The following FRMPD4 variants were observed in gnomAD, a reference collection of about 807,000 sequenced individuals.
The protein encoded by FRMPD4 is FERM and PDZ domain containing 4, also known as FERM and PDZ domain-containing protein 4.
Under a neutral mutation model 94.1 loss-of-function variants are expected in FRMPD4, and 22 were observed. The observed-to-expected ratio is 0.23, with a 90% confidence interval of 0.17 to 0.33. The LOEUF is 0.33. FRMPD4 is among the 10% of genes least tolerant of loss of function. FRMPD4 has a pLI of 1.00. For synonymous variants in FRMPD4, 631 were observed against 548.6 expected, an observed-to-expected ratio of 1.15 and a Z score of -2.10; for missense variants, 1,111 against 1,339.9, an observed-to-expected ratio of 0.83 and a Z score of 2.67.
intron 3 of FRMPD4, among the ~76,000 whole-genome samples, chrX:11,907,798 A>T (rs964472146): frequency 2.7e-5 from 3 of 111,662 alleles, no homozygotes; most frequent in African/African-American, 9.8e-5. Flanking sequence ...TTTTCCCCTT[A>T]GTGCTGTTGT....
intron 2 of FRMPD4, among the ~76,000 whole-genome samples, chrX:12,565,445 CATAAT>C (rs2058703106): frequency 8.9e-6 from 1 of 112,149 alleles, no homozygotes; most frequent in African/African-American, 3.2e-5. Flanking sequence ...ACACCACTGA[CATAAT>C]ATAACAAGAA....
chrX:12,660,436 T>G (rs950628844), intron 4 of FRMPD4, among the ~76,000 whole-genome samples: 2 of 111,734 alleles, frequency 1.8e-5, no homozygotes, highest in Non-Finnish European at 3.8e-5. Flanking sequence ...CAAATCCCAC[T>G]CTGAGCAGTA....
intron 2 of FRMPD4, among the ~76,000 whole-genome samples, chrX:11,867,599 ATTTC>A (rs1380697026): frequency 2.7e-5 from 3 of 111,896 alleles, no homozygotes; most frequent in East Asian, 2.8e-4. Context: ...GCAAAGCTTA[ATTTC>A]TTTCTATTTT....
chrX:12,710,149 TAGATAGAC>T (rs2041958357), intron 13 of FRMPD4, among the ~76,000 whole-genome samples: 1 of 46,597 alleles, frequency 2.1e-5, no homozygotes, highest in Non-Finnish European at 4.2e-5. Flanking sequence ...GACAGATAGA[TAGATAGAC>T]AGACATATAT....
intron 1 of FRMPD4, among the ~76,000 whole-genome samples, chrX:12,356,611 C>T (rs1220412458): frequency 8.9e-6 from 1 of 111,975 alleles, no homozygotes; most frequent in Non-Finnish European, 1.9e-5. Context: ...ATAACAAAAA[C>T]CACTCAATTG....
chrX:12,586,802 G>A (rs190226519), intron 2 of FRMPD4, among the ~76,000 whole-genome samples: 31 of 111,086 alleles, frequency 2.8e-4, no homozygotes, highest in African/African-American at 9.8e-4. Context: ...TCCTTTCCTT[G>A]GAAAAGATCA....
At chrX:12,308,448 A>C (rs1415566197) in intron 1 of FRMPD4, among the ~76,000 whole-genome samples, 1 of 111,697 alleles carries the variant, frequency 9.0e-6, no homozygotes, top group Non-Finnish European at 1.9e-5. Context: ...AGGAGGATGT[A>C]CTTCCCTTGC....
chrX:11,976,713 A>G (rs1015609101), intron 3 of FRMPD4, among the ~76,000 whole-genome samples: 1 of 112,166 alleles, frequency 8.9e-6, no homozygotes, highest in African/African-American at 3.2e-5. Context: ...TTGCCATTCA[A>G]GTTGTCTCTT....
intron 3 of FRMPD4, among the ~76,000 whole-genome samples, chrX:12,127,789 T>C (rs1463990076): frequency 8.9e-6 from 1 of 112,479 alleles, no homozygotes; most frequent in African/African-American, 3.2e-5. Context: ...CTAGATACAA[T>C]GTCGGTACAG....
Position 12,432,601 on chromosome X carries a change from G to A in FRMPD4, c.42-66079G>A, listed in dbSNP as rs189494135. On this transcript the variant is annotated intron_variant, in intron 1 of 16. Transcript: ENST00000675598. ...AGTTCCTCTCTGGCTGTGGGCCAGA[G>A]GCTGTCTTCGGTTCCTTGCTATATC... Among the ~76,000 whole-genome samples, 24 of 112,174 alleles carry A rather than the reference G, an allele frequency of 2.1e-4. 1 individual carries two copies. Among genetic ancestry groups the A allele is most frequent in the Admixed American group, 2.1e-3 (22 of 10,612 alleles).
chrX:12,162,739 C>G (rs769997469), intron 1 of FRMPD4, among the ~76,000 whole-genome samples: 2 of 111,826 alleles, frequency 1.8e-5, no homozygotes, highest in Non-Finnish European at 3.8e-5. Context: ...TCTTCTGTTT[C>G]TACCCCTAGC....
chrX:11,892,173 AT>A (rs1569119729), intron 3 of FRMPD4, among the ~76,000 whole-genome samples: 1 of 112,001 alleles, frequency 8.9e-6, no homozygotes, highest in Admixed American at 9.4e-5. Flanking sequence ...ATGACGCTGC[AT>A]TTTTATTTTC....
chrX:12,421,562 A>G (rs2056883500), intron 1 of FRMPD4, among the ~76,000 whole-genome samples: 1 of 110,121 alleles, frequency 9.1e-6, no homozygotes, highest in Non-Finnish European at 1.9e-5. Flanking sequence ...GTTTGAGACC[A>G]GACTGGACAA....
chrX:12,060,126 G>A (rs143108464), intron 3 of FRMPD4, among the ~76,000 whole-genome samples: 1 of 111,094 alleles, frequency 9.0e-6, no homozygotes, highest in East Asian at 2.8e-4. Context: ...ACCCAGTAGT[G>A]GGATTGCTGG....
chrX:12,176,696 G>A (rs1266326065), intron 1 of FRMPD4, among the ~76,000 whole-genome samples: 4 of 112,210 alleles, frequency 3.6e-5, no homozygotes, highest in Admixed American at 2.8e-4. Flanking sequence ...ATCTAAACTT[G>A]AGCAAAACAA....
chrX:12,614,336 C>G, intron 3 of FRMPD4: 1 of 126,891 alleles, frequency 7.9e-6, no homozygotes. Flanking sequence ...ATCAACACAA[C>G]TGATTGGCTA....
At chrX:11,921,647 C>T (rs1175864621) in intron 3 of FRMPD4, among the ~76,000 whole-genome samples, 1 of 111,800 alleles carries the variant, frequency 8.9e-6, no homozygotes, top group African/African-American at 3.3e-5. Flanking sequence ...TTCCCTATGC[C>T]ATAAGAACAG....
chrX:11,922,776 G>C (rs1045702257), intron 3 of FRMPD4, among the ~76,000 whole-genome samples: 5 of 112,687 alleles, frequency 4.4e-5, no homozygotes, highest in African/African-American at 1.3e-4. Flanking sequence ...ATCTGTAGTA[G>C]AGCATGGCCA....
chrX:12,553,460 A>ATGTATATATATATATATATATATATATG (rs56003092), intron 2 of FRMPD4, among the ~76,000 whole-genome samples: 1 of 81,550 alleles, frequency 1.2e-5, no homozygotes. Flanking sequence ...ATATATATAT[A>ATGTATATATATATATATATATATATATG]TATATATCTA....
Sources: gnomAD v4.1 joint callset for allele counts (sites outside exome capture counted in the v4.1 genomes callset) on GRCh38, gnomAD v4.1.1 for gene constraint, MANE v1.5 for transcripts, NCBI Gene and HGNC (gene_info 2026-07-23, HGNC 2026-07-21) for gene names.